SHISA9: variants seen among roughly 807,000 people sequenced by gnomAD.
SHISA9 encodes the protein shisa family member 9.
SHISA9 carries 13 observed loss-of-function variants against 38.0 expected under a neutral mutation model. That is an observed-to-expected ratio of 0.34 (90% CI 0.22 to 0.54). The LOEUF (loss-of-function observed/expected upper bound fraction) is 0.54, where lower values mean the gene tolerates loss of function less well. Ranked by LOEUF, SHISA9 falls within the 20% of genes least tolerant of loss-of-function variation. The pLI, the probability that SHISA9 is intolerant of heterozygous loss-of-function variation, is 0.91. For missense variants in SHISA9, 538 were observed against 575.8 expected (o/e 0.93, Z 0.67); for synonymous variants, 275 against 242.0 (o/e 1.14, Z -1.27).
intron 2 of SHISA9, among the ~76,000 whole-genome samples, chr16:13,119,464 T>C (rs2074063871): frequency 6.6e-6 from 1 of 152,252 alleles, no homozygotes; most frequent in Admixed American, 6.5e-5. Context: ...CACTTGTTGA[T>C]CTAAAGTACA....
the SHISA9 span, among the ~76,000 whole-genome samples, chr16:13,306,128 A>G: frequency 2.0e-5 from 3 of 152,216 alleles, no homozygotes; most frequent in African/African-American, 7.2e-5. Flanking sequence ...AAGATGCTGC[A>G]AACTATGTTT....
chr16:13,367,359 G>A, the SHISA9 span, among the ~76,000 whole-genome samples: 2 of 148,208 alleles, frequency 1.3e-5, no homozygotes, highest in African/African-American at 5.0e-5. Flanking sequence ...TGCCACCCAC[G>A]GGTACCATTT....
chr16:13,250,105 G>T, the SHISA9 span, among the ~76,000 whole-genome samples: 1 of 152,100 alleles, frequency 6.6e-6, no homozygotes. Context: ...ATTAACTGGA[G>T]GATATCTAAT....
intron 2 of SHISA9, among the ~76,000 whole-genome samples, chr16:13,075,187 G>C (rs552797697): frequency 1.8e-4 from 27 of 152,324 alleles, no homozygotes; most frequent in Admixed American, 5.9e-4. Flanking sequence ...CTGGGAGGTA[G>C]GACCACTGTG....
chr16:13,520,909 C>A, the SHISA9 span, among the ~76,000 whole-genome samples: 1 of 152,148 alleles, frequency 6.6e-6, no homozygotes. Context: ...TGTTCTGACA[C>A]ATGCACACAT....
the SHISA9 span, among the ~76,000 whole-genome samples, chr16:13,247,686 G>T: frequency 2.0e-5 from 3 of 152,192 alleles, no homozygotes; most frequent in South Asian, 6.2e-4. Flanking sequence ...AACTCGTGCT[G>T]TGTTGTACAG....
chr16:13,310,036 C>T, the SHISA9 span, among the ~76,000 whole-genome samples: 202 of 152,112 alleles, frequency 1.3e-3, no homozygotes, highest in Non-Finnish European at 1.7e-3. Flanking sequence ...TACAAGAATG[C>T]GCCACCATAC....
At chr16:13,518,616 T>G in the SHISA9 span, among the ~76,000 whole-genome samples, 1 of 152,144 alleles carries the variant, frequency 6.6e-6, no homozygotes, top group African/African-American at 2.4e-5. Flanking sequence ...AAATGGGACT[T>G]CAGCTGCTTC....
At chr16:12,990,816 T>C (rs917100697) in intron 2 of SHISA9, among the ~76,000 whole-genome samples, 4 of 152,316 alleles carry the variant, frequency 2.6e-5, no homozygotes, top group African/African-American at 7.2e-5. Flanking sequence ...TTCTTAGATA[T>C]ACCATCATGA....
At chr16:13,106,233 T>A (rs2073924126) in intron 2 of SHISA9, among the ~76,000 whole-genome samples, 1 of 152,204 alleles carries the variant, frequency 6.6e-6, no homozygotes, top group Non-Finnish European at 1.5e-5. Context: ...TATTTTATAA[T>A]TGTATGCTGG....
At chr16:13,108,895 G>A (rs1053685905) in intron 2 of SHISA9, among the ~76,000 whole-genome samples, 2 of 152,136 alleles carry the variant, frequency 1.3e-5, no homozygotes, top group African/African-American at 4.8e-5. Context: ...AAAGTGTAGT[G>A]TCCTGAGCTA....
intron 4 of SHISA9, among the ~76,000 whole-genome samples, chr16:13,223,725 G>A (rs976540745): frequency 2.0e-5 from 3 of 152,180 alleles, no homozygotes; most frequent in Non-Finnish European, 4.4e-5. Context: ...GGCTGGGGAG[G>A]CCTCAAAATC....
chr16:12,906,863 A>T (rs577042787), intron 1 of SHISA9, among the ~76,000 whole-genome samples: 214 of 152,250 alleles, frequency 1.4e-3, no homozygotes, highest in African/African-American at 5.0e-3. Flanking sequence ...CTGGTAGCAC[A>T]CACTCCACAC....
the SHISA9 span, among the ~76,000 whole-genome samples, chr16:13,446,845 T>C: frequency 4.5e-4 from 69 of 152,102 alleles, no homozygotes; most frequent in Non-Finnish European, 8.2e-4. Context: ...CCAGGCACGC[T>C]GACACATGCC....
chr16:13,306,256 G>A, the SHISA9 span, among the ~76,000 whole-genome samples: 6 of 152,204 alleles, frequency 3.9e-5, no homozygotes, highest in African/African-American at 1.4e-4. Flanking sequence ...GGTGGAGACA[G>A]GAAAAAGTCA....
At chr16:12,944,505 C>T (rs527947430) in intron 2 of SHISA9, among the ~76,000 whole-genome samples, 3 of 152,182 alleles carry the variant, frequency 2.0e-5, no homozygotes, top group South Asian at 2.1e-4. Context: ...TGACCTTGCA[C>T]GTTTGAACTA....
intron 2 of SHISA9, among the ~76,000 whole-genome samples, chr16:13,008,918 A>G (rs922355298): frequency 6.6e-6 from 1 of 152,100 alleles, no homozygotes; most frequent in African/African-American, 2.4e-5. Context: ...ATGAATATAA[A>G]TTATCCATAA....
At chr16:12,955,124 C>A (rs776681253) in intron 2 of SHISA9, among the ~76,000 whole-genome samples, 1 of 152,000 alleles carries the variant, frequency 6.6e-6, no homozygotes, top group Admixed American at 6.6e-5. Context: ...AAGCCTCCTT[C>A]TACATCTTTA....
chr16:13,071,588 C>CCTCCCTTG, intron 2 of SHISA9, among the ~76,000 whole-genome samples: 1 of 144,100 alleles, frequency 6.9e-6, no homozygotes, highest in Admixed American at 7.0e-5. Flanking sequence ...TCCCTTCCTT[C>CCTCCCTTG]CTTCCTTCCT....
Sources: gnomAD v4.1 joint callset for allele counts (sites outside exome capture counted in the v4.1 genomes callset) on GRCh38, gnomAD v4.1.1 for gene constraint, MANE v1.5 for transcripts, NCBI Gene and HGNC (gene_info 2026-07-23, HGNC 2026-07-21) for gene names.